The following SMG6 variants were observed in gnomAD, a reference collection of about 807,000 sequenced individuals.
SMG6 encodes SMG6 nonsense mediated mRNA decay factor.
SMG6 carries 66 observed loss-of-function variants against 142.2 expected under a neutral mutation model. That is an observed-to-expected ratio of 0.46 (90% confidence interval 0.38 to 0.57). The LOEUF (loss-of-function observed/expected upper bound fraction) is 0.57. SMG6 is among the 20% of genes least tolerant of loss of function. The pLI, the probability that SMG6 is intolerant of heterozygous loss-of-function variation, is 0.00. For synonymous variants in SMG6, 779 were observed against 702.4 expected (o/e 1.11, Z -1.72); for missense variants, 1,793 against 1,832.0 (o/e 0.98, Z 0.39).
At chr17:2,136,000 G>A (rs751973810) in intron 13 of SMG6, among the ~76,000 whole-genome samples, 10 of 41,668 alleles carry the variant, frequency 2.4e-4, no homozygotes, top group African/African-American at 5.9e-4. Context: ...ATATTTATGT[G>A]TGTGTGTGTG....
chr17:2,231,327 T>C (rs1434130468), intron 10 of SMG6, among the ~76,000 whole-genome samples: 3 of 152,164 alleles, frequency 2.0e-5, no homozygotes, highest in Non-Finnish European at 4.4e-5. Context: ...GCTAGCTAGC[T>C]AGCTCTCTCT....
chr17:2,172,592 G>C (rs2071538035), intron 13 of SMG6, 66 bp downstream of exon 13: 1 of 1,555,422 alleles, frequency 6.4e-7, no homozygotes, highest in African/African-American at 1.4e-5. Flanking sequence ...AACTTCCCAA[G>C]AATAAAAAAG....
At chr17:2,302,969 T>C in intron 1 of SMG6, 2 of 985,466 alleles carry the variant, frequency 2.0e-6, no homozygotes, top group Non-Finnish European at 2.4e-6. Context: ...TACACAACTC[T>C]ATTGCCTAAC....
chr17:2,171,319 A>G (rs2071494532), intron 13 of SMG6, among the ~76,000 whole-genome samples: 1 of 150,418 alleles, frequency 6.6e-6, no homozygotes, highest in Non-Finnish European at 1.5e-5. Flanking sequence ...GTATATATAA[A>G]TATTAATATA....
chr17:2,077,813 C>T (rs978172383), intron 15 of SMG6, among the ~76,000 whole-genome samples: 11 of 152,242 alleles, frequency 7.2e-5, no homozygotes, highest in South Asian at 4.1e-4. Flanking sequence ...ACCATAGGCA[C>T]GTGCCCACTG....
At chr17:2,292,179 T>C (rs891441487) in intron 6 of SMG6, among the ~76,000 whole-genome samples, 3 of 152,214 alleles carry the variant, frequency 2.0e-5, no homozygotes, top group Non-Finnish European at 4.4e-5. Context: ...GTGAAAACTT[T>C]AAGGGAGAGA....
chr17:2,100,006 GTGCC>G lies in SMG6; in HGVS notation c.3358-14109_3358-14106del, dbSNP rs2068961380. ...GCCTCCTGAGTAGCTGGGACTACAG[GTGCC>G]TGCCACCATGCCCAGGTAATTTTTA... On this transcript the variant is annotated intron_variant, in intron 13 of 18. Coordinates refer to ENST00000263073, the MANE Select transcript of SMG6 (RefSeq NM_017575.5). Among the ~76,000 whole-genome samples the G allele has an allele frequency of 2.6e-5, 4 of 151,454 alleles. No individual in the cohort carries two copies. The South Asian group carries it at 8.4e-4, about 32-fold the overall frequency.
At chr17:2,140,770 A>G (rs983410952) in intron 13 of SMG6, among the ~76,000 whole-genome samples, 2 of 152,150 alleles carry the variant, frequency 1.3e-5, no homozygotes, top group African/African-American at 2.4e-5. Context: ...TAAAAAAAAA[A>G]GCCATTGAAG....
intron 8 of SMG6, chr17:2,266,315 G>T: frequency 2.9e-6 from 1 of 343,514 alleles, no homozygotes; most frequent in Non-Finnish European, 4.1e-6. Context: ...CCTGAGACCT[G>T]GTGAGTTTTG....
intron 13 of SMG6, among the ~76,000 whole-genome samples, chr17:2,120,988 G>T (rs2069671761): frequency 6.6e-6 from 1 of 152,106 alleles, no homozygotes; most frequent in Admixed American, 6.5e-5. Context: ...AAAGCGGGGG[G>T]CAAAAAAGCT....
At chr17:2,213,469 G>C (rs966511008) in intron 10 of SMG6, among the ~76,000 whole-genome samples, 1 of 152,204 alleles carries the variant, frequency 6.6e-6, no homozygotes, top group Non-Finnish European at 1.5e-5. Flanking sequence ...AGGGCGGGCA[G>C]ACGTTGGTGC....
intron 10 of SMG6, among the ~76,000 whole-genome samples, chr17:2,232,326 A>C (rs2151796839): frequency 6.6e-6 from 1 of 152,306 alleles, no homozygotes; most frequent in Non-Finnish European, 1.5e-5. Flanking sequence ...TGACTACCGA[A>C]GTGTTAAATA....
At chr17:2,128,607 T>C (rs1187708496) in intron 13 of SMG6, among the ~76,000 whole-genome samples, 2 of 152,066 alleles carry the variant, frequency 1.3e-5, no homozygotes, top group East Asian at 3.9e-4. Context: ...ATTGCAAACT[T>C]GAGGTCAGGA....
In SMG6 at chr17:2,065,076, T is replaced by C; in HGVS notation, c.4126A>G (p.Lys1376Glu). The change falls in exon 18 of 19, where the codon AAA becomes GAA. Residue 1376 changes from lysine (K) to glutamate (E), a missense_variant. By Grantham distance (56) the Lys-to-Glu change is moderately conservative (BLOSUM62 1). Around this residue, in one of 3 missense-constraint regions of SMG6, gnomAD observed 179 missense variants for 212.6 expected, o/e 0.84. Coordinates refer to ENST00000263073, the MANE Select transcript of SMG6 (RefSeq NM_017575.5). ...DKAKDFMPAS[K>E]EEPIRLLREV... Reference sequence around the variant, plus strand: ...CAAGGCGGAGGCAAAGCTGTACCTTTGCTGGCGGGCATGAAGTCCTTAGCC... The same window carrying C: ...CAAGGCGGAGGCAAAGCTGTACCTTCGCTGGCGGGCATGAAGTCCTTAGCC... 6.2e-7 allele frequency: 1 copy of C among 1,613,444 alleles called. No individual in the cohort carries two copies. Among genetic ancestry groups the C allele is most frequent in the African/African-American group, 1.3e-5 (1 of 75,000 alleles).
intron 13 of SMG6, among the ~76,000 whole-genome samples, chr17:2,168,896 C>T (rs760090124): frequency 1.2e-4 from 18 of 151,580 alleles, no homozygotes; most frequent in Non-Finnish European, 2.4e-4. Flanking sequence ...TTACACGGCC[C>T]GCCACCACAC....
chr17:2,089,472 T>G (rs568066701), intron 13 of SMG6, among the ~76,000 whole-genome samples: 3 of 152,194 alleles, frequency 2.0e-5, no homozygotes, highest in Non-Finnish European at 4.4e-5. Flanking sequence ...CCCAAGTTAA[T>G]TGACAAAATA....
At chr17:2,065,013 T>C (rs2067897266) in intron 18 of SMG6, 60 bp downstream of exon 18, 2 of 1,316,440 alleles carry the variant, frequency 1.5e-6, no homozygotes, top group Non-Finnish European at 2.2e-6. Flanking sequence ...GGGCTGAGGA[T>C]GGGTAGGATG....
chr17:2,090,029 CA>C (rs1304380413), intron 13 of SMG6, among the ~76,000 whole-genome samples: 1 of 151,572 alleles, frequency 6.6e-6, no homozygotes, highest in African/African-American at 2.4e-5. Context: ...ACTAAAAATA[CA>C]AAAATCAGCC....
At chr17:2,169,446 G>A (rs900125060) in intron 13 of SMG6, among the ~76,000 whole-genome samples, 3 of 152,304 alleles carry the variant, frequency 2.0e-5, no homozygotes, top group East Asian at 1.9e-4. Context: ...TTCCCCTGCC[G>A]TGGATGGAGA....
Sources: gnomAD v4.1 joint callset for allele counts (sites outside exome capture counted in the v4.1 genomes callset) on GRCh38, gnomAD v4.1.1 for gene constraint, gnomAD v4.1.1 regional missense constraint, MANE v1.5 for transcripts, NCBI Gene and HGNC (gene_info 2026-07-23, HGNC 2026-07-21) for gene names.